Variants in PADI2 observed in about 807,000 individuals in gnomAD.
PADI2 encodes protein-arginine deiminase type-2.
In PADI2, 70 loss-of-function variants were observed where a neutral mutation model predicts 81.1. The observed-to-expected ratio is 0.86, with a 90% CI of 0.71 to 1.05. The LOEUF is 1.05. PADI2 is among the 50% of genes least tolerant of loss of function. The pLI, the probability that PADI2 is intolerant of heterozygous loss-of-function variation, is 0.00. For missense variants in PADI2, 853 were observed against 889.9 expected (o/e 0.96, Z 0.53); for synonymous variants, 338 against 358.0 (o/e 0.94, Z 0.63).
Position 17,093,662 on chromosome 1 carries a change from T to C in PADI2, c.434A>G (p.Glu145Gly). ...CACCAGCAGGATGGCCCCCTGGCCC[T>C]CGGGGCCCCAGGTCCAGGATGCCTA... ...PKKASWTWGP[E>G]GQGAILLVNC... is the part of the protein sequence containing the mutation. The change falls in exon 5 of 16, where the codon GAG (glutamate) becomes GGG (glycine). Residue 145 changes from glutamate (E) to glycine (G), a missense_variant. Glu to Gly is a moderately conservative substitution (Grantham distance 98, BLOSUM62 -2). Transcript: ENST00000375486. 6.2e-7 allele frequency: 1 copy of C among 1,613,498 alleles called. No homozygotes were observed. The highest frequency in any genetic ancestry group is 8.5e-7 in the Non-Finnish European group (1 of 1,179,522).
At chr1:17,107,650 C>G (rs1931430322) in intron 1 of PADI2, among the ~76,000 whole-genome samples, 1 of 152,210 alleles carries the variant, frequency 6.6e-6, no homozygotes, top group African/African-American at 2.4e-5. Flanking sequence ...CTGCTGAGAG[C>G]CCTGGGCTGG....
chr1:17,086,627 C>G lies in PADI2; in HGVS notation c.728G>C (p.Gly243Ala), dbSNP rs1440489458. 1.2e-6 allele frequency: 2 copies of G among 1,613,972 alleles called. No individual in the cohort carries two copies. Among genetic ancestry groups the G allele is most frequent in the South Asian group, 1.1e-5 (1 of 91,088 alleles). ...RKLYHVVKYTGGSAELLFFVE... is the reference protein window; with the variant it reads ...RKLYHVVKYTAGSAELLFFVE... ...GAAGAACAGCAGCTCCGCGGAGCCA[C>G]CCGTGTACTTGACCACATGGTAGAG... The change falls in exon 7 of 16, where the codon GGT (glycine) becomes GCT (alanine). Residue 243 changes from glycine to alanine, a missense_variant. Coordinates refer to ENST00000375486, the MANE Select transcript of PADI2 (RefSeq NM_007365.3).
intron 1 of PADI2, among the ~76,000 whole-genome samples, chr1:17,116,284 A>G (rs988988041): frequency 3.3e-5 from 5 of 152,210 alleles, no homozygotes; most frequent in Non-Finnish European, 7.3e-5. Context: ...GTGTGCCAGC[A>G]TCACAGGAAA....
intron 1 of PADI2, among the ~76,000 whole-genome samples, chr1:17,108,613 G>A (rs777582183): frequency 1.3e-5 from 2 of 151,966 alleles, no homozygotes; most frequent in South Asian, 2.1e-4. Flanking sequence ...GAGGTGAGTC[G>A]GACGGAAGGT....
At position 17,115,875 on chromosome 1, in the gene PADI2, C is replaced by A. The variant is rs541288516; in HGVS notation, c.92+3405G>T. 1.3e-5 allele frequency among the ~76,000 whole-genome samples: 2 copies of A among 152,350 alleles called. No homozygotes were observed. Among genetic ancestry groups the A allele is most frequent in the South Asian group, 4.1e-4 (2 of 4,830 alleles). On this transcript the variant is annotated intron_variant, in intron 1 of 15. Transcript: ENST00000375486. This position sits in a 1 kb window ranked among gnomAD's most constrained non-coding sequence, Gnocchi z 4.1. ...TTTCTAACAAACACCCTACTTCCTT[C>A]TTTCTATGTATCTATTCATTGCTTG...
At chr1:17,085,120 C>A (rs983071823) in intron 7 of PADI2, among the ~76,000 whole-genome samples, 7 of 152,264 alleles carry the variant, frequency 4.6e-5, no homozygotes, top group Non-Finnish European at 8.8e-5. Context: ...GCCAGCCCCC[C>A]ACCTTCCTCT....
chr1:17,078,180 C>T (rs1034512506), intron 11 of PADI2, among the ~76,000 whole-genome samples: 5 of 152,102 alleles, frequency 3.3e-5, no homozygotes, highest in Non-Finnish European at 7.4e-5. Flanking sequence ...GGCGCGATCT[C>T]GGCTCACTGC....
Position 17,088,906 on chromosome 1 carries a change from C to CAAAAAA in PADI2, c.656-2213_656-2208dup, listed in dbSNP as rs753463253. 4.6e-3 allele frequency among the ~76,000 whole-genome samples: 180 copies of CAAAAAA among 38,718 alleles called. 2 individuals carry two copies. Among genetic ancestry groups the CAAAAAA allele is most frequent in the South Asian group, 7.1e-3 (6 of 846 alleles). 25.4% of individuals were successfully genotyped at this position (38,718 alleles called of 152,430 possible). A position where few individuals can be genotyped will look rare whatever the true frequency, so the allele number is the denominator to read the frequency against. ...TGGGCGACAGAGCGAGACTCCATCT[C>CAAAAAA]AAAAAAAAAAAAAAAAAAAAAAAAA... On this transcript the variant is annotated intron_variant, in intron 6 of 15. Transcript: ENST00000375486.
Position 17,095,933 on chromosome 1 carries a change from C to G in PADI2, c.387G>C (p.Val129=), listed in dbSNP as rs1930907968. 2.5e-6 allele frequency: 4 copies of G among 1,608,374 alleles called. No individual in the cohort carries two copies. The highest frequency in any genetic ancestry group is 2.2e-5 in the East Asian group (1 of 44,736). Residue 129 remains valine (V), a synonymous_variant, in exon 4 of 16, where the codon GTG becomes GTC. Transcript: ENST00000375486. ...CCTTCTTTGGGTTGTTCTTCTCCAC[C>G]ACACCATCCCGGTCTGCGTCCACAT... ...SLDVDADRDG[V]VEKNNPKKAS...
intron 3 of PADI2, among the ~76,000 whole-genome samples, chr1:17,102,300 C>G (rs910589795): frequency 1.3e-5 from 2 of 152,174 alleles, no homozygotes; most frequent in African/African-American, 4.8e-5. Context: ...TTCAGATGAT[C>G]ACAGCCAAGG....
Position 17,094,724 on chromosome 1 carries a change from C to T in PADI2, c.412-1040G>A, listed in dbSNP as rs376430743. On this transcript the variant is annotated intron_variant, in intron 4 of 15. Coordinates refer to ENST00000375486, the MANE Select transcript of PADI2 (RefSeq NM_007365.3). The stretch of plus-strand genomic sequence containing the variant: ...AGTGAAGAAAATGTGAAAACTTCAC[C>T]GGCCCAGATTTAAAAATTCTGGCCA... Among the ~76,000 whole-genome samples the T allele has an allele frequency of 2.0e-4, 31 of 152,318 alleles. No individual in the cohort carries two copies. In the South Asian group the frequency reaches 4.1e-3, roughly 20 times the overall value.
At chr1:17,116,039 T>C (rs1039262194) in intron 1 of PADI2, among the ~76,000 whole-genome samples, 1 of 152,162 alleles carries the variant, frequency 6.6e-6, no homozygotes, top group African/African-American at 2.4e-5. Context: ...AGCATAGTGG[T>C]CAATTGTTCA....
At chr1:17,082,117 A>AAC (rs1051085228) in intron 10 of PADI2, among the ~76,000 whole-genome samples, 44 of 151,892 alleles carry the variant, frequency 2.9e-4, no homozygotes, top group Admixed American at 1.9e-3. Context: ...AACAAAAACA[A>AAC]ACACACACAT....
intron 1 of PADI2, among the ~76,000 whole-genome samples, chr1:17,118,484 CG>C (rs1931831016): frequency 6.6e-6 from 1 of 152,010 alleles, no homozygotes; most frequent in African/African-American, 2.4e-5. Context: ...TCTGGGATTG[CG>C]GGGGGAGTGG....
intron 10 of PADI2, among the ~76,000 whole-genome samples, chr1:17,081,104 A>G (rs1012160248): frequency 1.3e-5 from 2 of 152,228 alleles, no homozygotes; most frequent in African/African-American, 4.8e-5. Context: ...TACTGAAGGC[A>G]GGTGGTGACC....
intron 8 of PADI2, among the ~76,000 whole-genome samples, chr1:17,084,211 T>C (rs1239026316): frequency 6.6e-6 from 1 of 152,214 alleles, no homozygotes; most frequent in Non-Finnish European, 1.5e-5. Context: ...ACAGGCACTT[T>C]TTCCCTTGGT....
In PADI2 at chr1:17,093,614, C is replaced by A. The variant is rs1386001143; in HGVS notation, c.482G>T (p.Trp161Leu). 1 of 1,613,928 alleles carries A rather than the reference C, an allele frequency of 6.2e-7. No individual in the cohort carries two copies. Among genetic ancestry groups the A allele is most frequent in the Non-Finnish European group, 8.5e-7 (1 of 1,179,952 alleles). The change falls in exon 5 of 16, where the codon TGG (tryptophan) becomes TTG (leucine). Residue 161 changes from tryptophan to leucine, a missense_variant. By Grantham distance (61) the Trp-to-Leu change is moderately conservative. Transcript: ENST00000375486. ...LLVNCDRETP[W>L]LPKEDCRDEK... ...ATCACGGCAGTCCTCCTTGGGCAAC[C>A]AGGGTGTCTCTCGGTCACAGTTCAC...
At chr1:17,116,155 T>C (rs1234859955) in intron 1 of PADI2, among the ~76,000 whole-genome samples, 1 of 152,192 alleles carries the variant, frequency 6.6e-6, no homozygotes, top group Non-Finnish European at 1.5e-5. Context: ...AGTGAAGCGA[T>C]TTGCTCAAGG....
At position 17,105,018 on chromosome 1, in the gene PADI2, C is replaced by CCG; in HGVS notation, c.134_135dup (p.Glu46ArgfsTer37). ...CGCACCACCTCCACCCACACGTGTTCCGAGTGCTTCAGGCTGAAGGTTTGG... is the reference window on the plus strand; with the variant it reads ...CGCACCACCTCCACCCACACGTGTTCCGCGAGTGCTTCAGGCTGAAGGTTTGG... On this transcript the variant is annotated frameshift_variant, in exon 2 of 16. Transcript: ENST00000375486. LOFTEE classifies it high-confidence loss of function. 6.2e-7 allele frequency: 1 copy of CCG among 1,604,022 alleles called. No homozygotes were observed. The highest frequency in any genetic ancestry group is 8.5e-7 in the Non-Finnish European group (1 of 1,173,982).
Sources: gnomAD v4.1 joint callset for allele counts (sites outside exome capture counted in the v4.1 genomes callset) on GRCh38, gnomAD v4.1.1 for gene constraint, Gnocchi (gnomAD v3.1) non-coding constraint, MANE v1.5 for transcripts, NCBI Gene and HGNC (gene_info 2026-07-23, HGNC 2026-07-21) for gene names.